MTMR14: variants seen among roughly 807,000 people sequenced by gnomAD.
MTMR14 encodes phosphatidylinositol-3,5-bisphosphate 3-phosphatase MTMR14.
Under a neutral mutation model 86.3 loss-of-function variants are expected in MTMR14, and 48 were observed. The ratio of observed to expected loss-of-function variants is 0.56; its 90% CI spans 0.44 to 0.71. MTMR14 has a LOEUF of 0.71. Ranked by LOEUF, MTMR14 falls within the 30% of genes least tolerant of loss-of-function variation. The pLI is 0.00. For missense variants in MTMR14, 780 were observed against 834.6 expected (o/e 0.93, Z 0.81); for synonymous variants, 366 against 326.1 (o/e 1.12, Z -1.32).
chr3:9,653,606 T>C lies in MTMR14; in HGVS notation c.160-15T>C. 6.2e-7 allele frequency: 1 copy of C among 1,614,124 alleles called. No homozygotes were observed. Among genetic ancestry groups the C allele is most frequent in the African/African-American group, 1.3e-5 (1 of 75,028 alleles). On this transcript the variant is annotated splice_polypyrimidine_tract_variant and intron_variant, in intron 1 of 18. Transcript: ENST00000296003. ...CCAGAATTCTCTTTGTGTTCTGGTC[T>C]CCTTCTCTGTGCAGGTTGAGCGCAT...
intron 12 of MTMR14, 95 bp downstream of exon 12, chr3:9,685,059 A>G: frequency 6.7e-7 from 1 of 1,490,598 alleles, no homozygotes. Context: ...GGAGGTAAGG[A>G]TAATTCCACC....
intron 12 of MTMR14, 62 bp downstream of exon 12, chr3:9,685,026 T>A: frequency 6.4e-7 from 1 of 1,553,304 alleles, no homozygotes; most frequent in South Asian, 1.1e-5. Flanking sequence ...GTGAGTTGTG[T>A]GGTGGCTCCC....
At position 9,653,769 on chromosome 3, in the gene MTMR14, C is replaced by G. The variant is rs1043051679; in HGVS notation, c.308C>G (p.Thr103Arg). The change falls in exon 2 of 19, where the codon ACG becomes AGG. Residue 103 changes from threonine (T) to arginine (R), a missense_variant and splice_region_variant. Coordinates refer to ENST00000296003, the MANE Select transcript of MTMR14 (RefSeq NM_001077525.3). The part of the protein sequence containing the change: ...EYESSEKEKD[T>R]FESTVQVSKL... ...GAGAGTTCTGAGAAGGAGAAAGACA[C>G]GTGAGCATCATGTGACCGTAGTGTA... is the stretch of plus-strand genomic sequence containing the variant. The G allele has an allele frequency of 1.2e-6, 2 of 1,614,066 alleles. No homozygotes were observed. The highest frequency in any genetic ancestry group is 1.3e-5 in the African/African-American group (1 of 74,930).
chr3:9,684,533 CG>C, intron 10 of MTMR14, 51 bp from the exon 11 acceptor site: 1 of 1,568,832 alleles, frequency 6.4e-7, no homozygotes, highest in African/African-American at 1.3e-5. Context: ...TCCTGCTCAT[CG>C]GCCCATGTCT....
rs758937216 is a variant in MTMR14, at chr3:9,688,947, G to A, written c.1298G>A (p.Arg433Gln). 14 of 1,613,986 alleles carry A rather than the reference G, an allele frequency of 8.7e-6. No individual in the cohort carries two copies. The highest frequency in any genetic ancestry group is 7.7e-5 in the South Asian group (7 of 91,084). ...FTLEDICMLR[R>Q]KDRGSTTSLG... The stretch of plus-strand genomic sequence containing the variant: ...TGATGGCACTGGCTTCTTTTAGGAC[G>A]AAAGGACCGTGGCAGCACCACCAGC... Residue 433 changes from arginine to glutamine, a missense_variant, in exon 16 of 19, where the codon CGA (arginine) becomes CAA (glutamine). Arg to Gln is a conservative substitution (Grantham distance 43, BLOSUM62 1). Transcript: ENST00000296003.
intron 17 of MTMR14, among the ~76,000 whole-genome samples, chr3:9,696,082 A>C (rs1341245089): frequency 1.3e-5 from 2 of 152,216 alleles, no homozygotes; most frequent in Non-Finnish European, 2.9e-5. Context: ...GATGAATGTG[A>C]CAAGTCTGTA....
At chr3:9,697,979 C>T (rs150104581) in intron 18 of MTMR14, 113 bp downstream of exon 18, 1 of 1,426,428 alleles carries the variant, frequency 7.0e-7, no homozygotes, top group Non-Finnish European at 9.8e-7. Flanking sequence ...GGCCTGGCCT[C>T]CTGCCCTCCC....
At chr3:9,672,828 C>A in intron 7 of MTMR14, 70 bp downstream of exon 7, 1 of 1,431,312 alleles carries the variant, frequency 7.0e-7, no homozygotes, top group Non-Finnish European at 9.9e-7. Context: ...CAAGCCCTCT[C>A]TACTTAGTTA....
Position 9,697,710 on chromosome 3 carries a change from G to T in MTMR14, c.1614-1G>T, listed in dbSNP as rs1373577450. 2 of 1,613,812 alleles carry T rather than the reference G, an allele frequency of 1.2e-6. No homozygotes were observed. The highest frequency in any genetic ancestry group is 2.2e-5 in the East Asian group (1 of 44,874). On this transcript the variant is annotated splice_acceptor_variant, in intron 17 of 18. Coordinates refer to ENST00000296003, the MANE Select transcript of MTMR14 (RefSeq NM_001077525.3). LOFTEE classifies it high-confidence loss of function. ...TCCCCTCTCTCTCCTCTCTGCCCCAGATCAGTGGACCATCCCCTGCCCGGA... is the reference window on the plus strand; with the variant it reads ...TCCCCTCTCTCTCCTCTCTGCCCCATATCAGTGGACCATCCCCTGCCCGGA...
At chr3:9,657,198 C>T (rs191687083) in intron 2 of MTMR14, among the ~76,000 whole-genome samples, 138 of 152,230 alleles carry the variant, frequency 9.1e-4, no homozygotes, top group Non-Finnish European at 1.5e-3. Flanking sequence ...TGAGAGCCAC[C>T]GCACCCAACA....
intron 7 of MTMR14, among the ~76,000 whole-genome samples, chr3:9,675,338 A>G (rs747519105): frequency 3.3e-5 from 5 of 152,130 alleles, no homozygotes; most frequent in Admixed American, 6.5e-5. Context: ...CATAACTTCT[A>G]TTACTTTATA....
chr3:9,697,970 G>C (rs2076335440), intron 18 of MTMR14, 104 bp downstream of exon 18: 1 of 1,522,274 alleles, frequency 6.6e-7, no homozygotes, highest in Non-Finnish European at 9.0e-7. Flanking sequence ...TCAGGAGCTG[G>C]CCTGGCCTCC....
chr3:9,684,807 G>A, intron 11 of MTMR14, 81 bp from the exon 12 acceptor site: 1 of 1,560,266 alleles, frequency 6.4e-7, no homozygotes, highest in Non-Finnish European at 8.8e-7. Flanking sequence ...TCTTCAGCCT[G>A]CGTTGTCACT....
chr3:9,663,978 G>A (rs143370592), intron 3 of MTMR14, among the ~76,000 whole-genome samples: 4,793 of 150,718 alleles, frequency 0.032, 258 homozygotes, highest in African/African-American at 0.11. Context: ...TAGTAGAGAC[G>A]GGGTTTCGCC....
intron 17 of MTMR14, among the ~76,000 whole-genome samples, chr3:9,691,248 A>G (rs546906339): frequency 1.5e-4 from 23 of 152,254 alleles, no homozygotes; most frequent in Non-Finnish European, 3.4e-4. Flanking sequence ...AGCCTGTGAA[A>G]CCACCGCCAC....
At chr3:9,663,806 C>T (rs2048091836) in intron 3 of MTMR14, among the ~76,000 whole-genome samples, 1 of 150,362 alleles carries the variant, frequency 6.7e-6, no homozygotes, top group South Asian at 2.1e-4. Flanking sequence ...AGCCACCGCG[C>T]ACGGCCTGGA....
chr3:9,676,377 G>A (rs372134134), intron 7 of MTMR14, among the ~76,000 whole-genome samples: 2 of 152,238 alleles, frequency 1.3e-5, no homozygotes, highest in Non-Finnish European at 2.9e-5. Context: ...AGCCCGGGGG[G>A]CAAGACGCAT....
chr3:9,686,684 C>G (rs1322720917), intron 13 of MTMR14, among the ~76,000 whole-genome samples: 1 of 152,182 alleles, frequency 6.6e-6, no homozygotes, highest in Non-Finnish European at 1.5e-5. Context: ...TCATACTGAC[C>G]CGACCTGGGC....
chr3:9,689,850 T>G (rs1053399455), intron 16 of MTMR14, 114 bp from the exon 17 acceptor site: 4 of 1,062,208 alleles, frequency 3.8e-6, no homozygotes, highest in Non-Finnish European at 5.5e-6. Flanking sequence ...GTTTGCCAAC[T>G]CATGTGATGT....
Sources: gnomAD v4.1 joint callset for allele counts (sites outside exome capture counted in the v4.1 genomes callset) on GRCh38, gnomAD v4.1.1 for gene constraint, MANE v1.5 for transcripts, NCBI Gene and HGNC (gene_info 2026-07-23, HGNC 2026-07-21) for gene names.